NOL4: variants seen among roughly 807,000 people sequenced by gnomAD.
NOL4 encodes cancer/testis antigen 125.
NOL4 carries 17 observed loss-of-function variants against 75.9 expected under a neutral mutation model. The ratio of observed to expected loss-of-function variants is 0.22; its 90% CI spans 0.15 to 0.34. The LOEUF (loss-of-function observed/expected upper bound fraction) is 0.34, where lower values mean the gene tolerates loss of function less well. Ranked by LOEUF, NOL4 falls within the 10% of genes least tolerant of loss-of-function variation. The pLI is 1.00. For synonymous variants in NOL4, 292 were observed against 289.9 expected (o/e 1.01, Z -0.07); for missense variants, 614 against 793.5 (o/e 0.77, Z 2.72).
rs1055180231 is a variant in NOL4, at chr18:33,976,589, T to C, written c.1057-18171A>G. On this transcript the variant is annotated intron_variant, in intron 6 of 10. Coordinates refer to ENST00000261592, the MANE Select transcript of NOL4 (RefSeq NM_003787.5). The stretch of plus-strand genomic sequence containing the variant: ...AAATATCAGATCTCAGGATGCCTAT[T>C]GTGAATATCATTTAGATTTTGGGAA... Among the ~76,000 whole-genome samples, 8 of 152,292 alleles carry C rather than the reference T, an allele frequency of 5.3e-5. No homozygotes were observed. In the East Asian group the frequency reaches 1.5e-3, roughly 29 times the overall value.
At chr18:33,989,740 T>C (rs1322647593) in intron 6 of NOL4, among the ~76,000 whole-genome samples, 1 of 152,094 alleles carries the variant, frequency 6.6e-6, no homozygotes, top group Non-Finnish European at 1.5e-5. Context: ...GTTCCTGGCA[T>C]ATTAAAGCAC....
intron 1 of NOL4, among the ~76,000 whole-genome samples, chr18:34,132,989 G>T (rs1337122560): frequency 1.3e-5 from 2 of 152,074 alleles, no homozygotes; most frequent in Non-Finnish European, 1.5e-5. Flanking sequence ...TAAGGTGAAG[G>T]CCAGATGCAG....
At chr18:34,106,229 G>T (rs1194416293) in intron 2 of NOL4, among the ~76,000 whole-genome samples, 1 of 152,024 alleles carries the variant, frequency 6.6e-6, no homozygotes, top group Admixed American at 6.6e-5. Context: ...GAGTGCAAAT[G>T]GGTGCTAGTT....
At position 34,169,108 on chromosome 18, in the gene NOL4, A is replaced by T. The variant is rs185845722; in HGVS notation, c.265-39088T>A. ...AAAATGATGTCAGTTGGAAATACAG[A>T]TCTATAAAAAGGGAAGAAGAGCACC... On this transcript the variant is annotated intron_variant, in intron 1 of 10. Transcript: ENST00000261592. 2.0e-5 allele frequency among the ~76,000 whole-genome samples: 3 copies of T among 152,128 alleles called. No homozygotes were observed. In the East Asian group the frequency reaches 5.8e-4, roughly 29 times the overall value.
intron 1 of NOL4, among the ~76,000 whole-genome samples, chr18:34,203,717 TCACACA>T (rs60755450): frequency 0.011 from 801 of 72,244 alleles, 11 homozygotes; most frequent in African/African-American, 0.028. Context: ...TCTCTCTCTC[TCACACA>T]CACACACACA....
At chr18:34,170,042 T>C (rs183680082) in intron 1 of NOL4, among the ~76,000 whole-genome samples, 178 of 152,344 alleles carry the variant, frequency 1.2e-3, no homozygotes, top group Middle Eastern at 3.4e-3. Context: ...CTGGCAATCA[T>C]AAGCATATTT....
At chr18:33,861,391 A>G (rs966820849) in intron 10 of NOL4, among the ~76,000 whole-genome samples, 3 of 152,110 alleles carry the variant, frequency 2.0e-5, no homozygotes, top group Admixed American at 6.5e-5. Context: ...GAATTTATCC[A>G]TTTCTTCTGG....
intron 1 of NOL4, among the ~76,000 whole-genome samples, chr18:34,193,502 T>C (rs2035071632): frequency 6.6e-6 from 1 of 152,132 alleles, no homozygotes; most frequent in Admixed American, 6.6e-5. Flanking sequence ...TCAAAATCAC[T>C]AATCATCAGA....
At chr18:34,153,081 C>A (rs1267878289) in intron 1 of NOL4, among the ~76,000 whole-genome samples, 2 of 151,784 alleles carry the variant, frequency 1.3e-5, no homozygotes, top group South Asian at 2.1e-4. Flanking sequence ...GTGTAGGAAA[C>A]AACGGGGTTG....
At chr18:33,949,244 A>G (rs1282877656) in intron 8 of NOL4, among the ~76,000 whole-genome samples, 1 of 152,138 alleles carries the variant, frequency 6.6e-6, no homozygotes, top group Non-Finnish European at 1.5e-5. Flanking sequence ...TAGTAGTTCA[A>G]CTGTCCTTAT....
intron 5 of NOL4, among the ~76,000 whole-genome samples, chr18:34,093,124 G>A (rs1298786002): frequency 6.6e-6 from 1 of 152,046 alleles, no homozygotes; most frequent in Non-Finnish European, 1.5e-5. Flanking sequence ...AATTTAGTCG[G>A]AAGAATGACA....
intron 1 of NOL4, among the ~76,000 whole-genome samples, chr18:34,134,447 GAC>G (rs199707766): frequency 0.16 from 21,318 of 133,490 alleles, 1,774 homozygotes; most frequent in African/African-American, 0.23. Context: ...GACTCCAAGT[GAC>G]ACACACACAC....
intron 3 of NOL4, 120 bp downstream of exon 3, chr18:34,104,929 A>C (rs2079199815): frequency 3.4e-6 from 2 of 590,028 alleles, no homozygotes; most frequent in African/African-American, 1.9e-5. Context: ...TACTTGAATA[A>C]ATGAGATGAT....
At chr18:34,049,605 G>T (rs2076542390) in intron 5 of NOL4, among the ~76,000 whole-genome samples, 1 of 151,872 alleles carries the variant, frequency 6.6e-6, no homozygotes, top group African/African-American at 2.4e-5. Context: ...TCTGATTCAG[G>T]TTCTCACCCA....
chr18:33,943,538 A>G (rs748434376), intron 8 of NOL4, among the ~76,000 whole-genome samples: 2 of 151,916 alleles, frequency 1.3e-5, no homozygotes, highest in Non-Finnish European at 1.5e-5. Context: ...ACATGCACAA[A>G]AAAAACCAAA....
At chr18:34,042,901 T>C (rs1422587019) in intron 5 of NOL4, among the ~76,000 whole-genome samples, 1 of 152,108 alleles carries the variant, frequency 6.6e-6, no homozygotes, top group Non-Finnish European at 1.5e-5. Flanking sequence ...GACCATGAGC[T>C]TGGCAGTCAG....
chr18:34,105,052 T>C lies in NOL4; in HGVS notation c.523A>G (p.Lys175Glu). 6.3e-7 allele frequency: 1 copy of C among 1,593,400 alleles called. No homozygotes were observed. The highest frequency in any genetic ancestry group is 8.6e-7 in the Non-Finnish European group (1 of 1,161,652). The change falls in exon 3 of 11, where the codon AAA (lysine) becomes GAA (glutamate). Residue 175 changes from lysine (K) to glutamate (E), a missense_variant. Around this residue, in one of 9 missense-constraint regions of NOL4, gnomAD observed 135 missense variants for 220.4 expected, o/e 0.61. Transcript: ENST00000261592. The stretch of plus-strand genomic sequence containing the variant: ...CACTATTTGACACTGCAGCTACCTT[T>C]ATGATCTGTTCCATCTGGGTTTAAA... ...MHLNPDGTDH[K>E]DNGKPPTLVT...
chr18:34,134,268 T>C (rs1444716446), intron 1 of NOL4, among the ~76,000 whole-genome samples: 2 of 152,088 alleles, frequency 1.3e-5, no homozygotes, highest in African/African-American at 2.4e-5. Flanking sequence ...CAACATACTA[T>C]ATATCTGAAG....
At chr18:34,000,651 G>T (rs1256927578) in intron 6 of NOL4, among the ~76,000 whole-genome samples, 1 of 152,172 alleles carries the variant, frequency 6.6e-6, no homozygotes, top group East Asian at 1.9e-4. Flanking sequence ...GAGACCTGGT[G>T]ATATTCTCCC....
Sources: gnomAD v4.1 joint callset for allele counts (sites outside exome capture counted in the v4.1 genomes callset) on GRCh38, gnomAD v4.1.1 for gene constraint, gnomAD v4.1.1 regional missense constraint, MANE v1.5 for transcripts, NCBI Gene and HGNC (gene_info 2026-07-23, HGNC 2026-07-21) for gene names.